The following LAMA2 variants were observed in gnomAD, a reference collection of about 807,000 sequenced individuals.
LAMA2 encodes the protein laminin subunit alpha 2.
LAMA2 carries 269 observed loss-of-function variants against 364.8 expected under a neutral mutation model. The ratio of observed to expected loss-of-function variants is 0.74; its 90% confidence interval spans 0.67 to 0.82. The LOEUF (loss-of-function observed/expected upper bound fraction) is 0.82. Ranked by LOEUF, LAMA2 falls within the 40% of genes least tolerant of loss-of-function variation. The pLI, the probability that LAMA2 is intolerant of heterozygous loss-of-function variation, is 0.00. For synonymous variants in LAMA2, 1,379 were observed against 1,370.6 expected (o/e 1.01, Z -0.14); for missense variants, 3,807 against 3,873.2 (o/e 0.98, Z 0.45).
At chr6:129,446,640 A>G (rs1192427272) in intron 45 of LAMA2, among the ~76,000 whole-genome samples, 1 of 151,070 alleles carries the variant, frequency 6.6e-6, no homozygotes, top group African/African-American at 2.4e-5. Context: ...CTTGAACTCA[A>G]ACCTTTTTAG....
intron 29 of LAMA2, among the ~76,000 whole-genome samples, chr6:129,336,878 A>G (rs1452317050): frequency 6.6e-6 from 1 of 152,240 alleles, no homozygotes; most frequent in African/African-American, 2.4e-5. Context: ...GCTTTGGATG[A>G]TATCTATCAA....
chr6:129,381,293 A>T (rs769769726), intron 34 of LAMA2, among the ~76,000 whole-genome samples: 19 of 152,084 alleles, frequency 1.2e-4, no homozygotes, highest in Non-Finnish European at 2.6e-4. Context: ...TCAAGTCTAG[A>T]CTAGAAAAAT....
chr6:129,143,037 TCA>T (rs932100575), intron 4 of LAMA2, among the ~76,000 whole-genome samples: 3 of 152,014 alleles, frequency 2.0e-5, no homozygotes, highest in African/African-American at 7.2e-5. Flanking sequence ...TTTTATTTTG[TCA>T]CACAGTTTAT....
At chr6:129,276,019 A>G (rs920812945) in intron 17 of LAMA2, among the ~76,000 whole-genome samples, 4 of 152,176 alleles carry the variant, frequency 2.6e-5, no homozygotes, top group Admixed American at 6.6e-5. Context: ...GAGAATAAGT[A>G]GGAGAGATCA....
intron 12 of LAMA2, among the ~76,000 whole-genome samples, chr6:129,239,981 G>T (rs561406726): frequency 6.6e-6 from 1 of 152,182 alleles, no homozygotes; most frequent in Admixed American, 6.5e-5. Flanking sequence ...AAGCCAGTTC[G>T]ATTCCCAGAA....
intron 3 of LAMA2, among the ~76,000 whole-genome samples, chr6:129,097,470 C>A (rs1357411660): frequency 2.6e-5 from 4 of 152,154 alleles, no homozygotes; most frequent in Non-Finnish European, 5.9e-5. Context: ...TTAACAGTAA[C>A]AATACCTCTT....
chr6:129,465,136 T>C lies in LAMA2; in HGVS notation c.7156-9T>C, dbSNP rs771642852. Reference sequence around the variant, plus strand: ...TCTAACCACTGGGGTATGTTTACTCTATTAATAGAGAGATTTCATGAGTGT... The same window carrying C: ...TCTAACCACTGGGGTATGTTTACTCCATTAATAGAGAGATTTCATGAGTGT... On this transcript the variant is annotated splice_polypyrimidine_tract_variant and intron_variant, in intron 50 of 64. Transcript: ENST00000421865. 1.2e-6 allele frequency: 2 copies of C among 1,605,478 alleles called. No individual in the cohort carries two copies. Among genetic ancestry groups the C allele is most frequent in the Non-Finnish European group, 8.5e-7 (1 of 1,172,728 alleles).
chr6:129,397,814 C>T (rs988842898), intron 37 of LAMA2, among the ~76,000 whole-genome samples: 30 of 151,770 alleles, frequency 2.0e-4, no homozygotes, highest in Admixed American at 7.9e-4. Context: ...GTGGCAGGCA[C>T]CTGCAGTCCC....
intron 14 of LAMA2, among the ~76,000 whole-genome samples, chr6:129,260,005 C>T (rs908813999): frequency 2.0e-5 from 3 of 152,046 alleles, no homozygotes; most frequent in Non-Finnish European, 2.9e-5. Context: ...TGTGTGACAG[C>T]ATTTTTTTCC....
At chr6:129,487,954 A>C (rs986702325) in intron 56 of LAMA2, among the ~76,000 whole-genome samples, 1 of 152,192 alleles carries the variant, frequency 6.6e-6, no homozygotes, top group African/African-American at 2.4e-5. Flanking sequence ...TGTCTTCTAG[A>C]TTAGATGTTA....
chr6:129,287,971 A>C lies in LAMA2; in HGVS notation c.2662A>C (p.Ile888Leu). 1 of 1,614,094 alleles carries C rather than the reference A, an allele frequency of 6.2e-7. No homozygotes were observed. The highest frequency in any genetic ancestry group is 1.3e-5 in the African/African-American group (1 of 75,028). Residue 888 changes from isoleucine to leucine, a missense_variant, in exon 19 of 65, where the codon ATA becomes CTA. Around this residue, in one of 3 missense-constraint regions of LAMA2, gnomAD observed 3,333 missense variants for 3,345.7 expected, o/e 1.00. Transcript: ENST00000421865. ...SCDSLSGSCL[I>L]CKPGTTGRYC... ...TGACAGCTTGTCTGGCTCCTGTCTG[A>C]TATGTAAACCAGGTACAACAGGCCG...
intron 1 of LAMA2, among the ~76,000 whole-genome samples, chr6:129,009,921 A>C (rs1232487722): frequency 6.6e-6 from 1 of 152,148 alleles, no homozygotes; most frequent in Admixed American, 6.5e-5. Context: ...AAGGATATTA[A>C]AGGTGAGATT....
chr6:129,228,519 T>G (rs1263214737), intron 12 of LAMA2, among the ~76,000 whole-genome samples: 1 of 152,338 alleles, frequency 6.6e-6, no homozygotes, highest in Non-Finnish European at 1.5e-5. Flanking sequence ...GAGTTTTATA[T>G]CAATAATTAA....
Position 128,961,409 on chromosome 6 carries a change from C to CAT in LAMA2, c.112+78061_112+78062dup, listed in dbSNP as rs571589011. Reference sequence around the variant, plus strand: ...TAACTTATACGACTGCATATATATACATATATATATGTATATATCATGGGA... The same window carrying CAT: ...TAACTTATACGACTGCATATATATACATATATATATATGTATATATCATGGGA... On this transcript the variant is annotated intron_variant, in intron 1 of 64. Transcript: ENST00000421865. Among the ~76,000 whole-genome samples, 251 of 103,998 alleles carry CAT rather than the reference C, an allele frequency of 2.4e-3. 1 individual carries two copies. The highest frequency in any genetic ancestry group is 4.1e-3 in the Non-Finnish European group (209 of 50,658). The allele number at this position is 103,998 out of a possible 152,430, so 68.2% of individuals were successfully genotyped here.
intron 12 of LAMA2, among the ~76,000 whole-genome samples, chr6:129,197,298 A>G (rs1781908360): frequency 6.6e-6 from 1 of 152,146 alleles, no homozygotes; most frequent in Non-Finnish European, 1.5e-5. Flanking sequence ...CTGGCAAGAG[A>G]CATTCACCAT....
chr6:129,374,242 C>T (rs1290653833), intron 34 of LAMA2, among the ~76,000 whole-genome samples: 1 of 152,184 alleles, frequency 6.6e-6, no homozygotes, highest in East Asian at 1.9e-4. Flanking sequence ...GTTTCATTAT[C>T]CAAAATCAGG....
At chr6:129,134,612 G>A (rs1777677019) in intron 4 of LAMA2, among the ~76,000 whole-genome samples, 1 of 152,126 alleles carries the variant, frequency 6.6e-6, no homozygotes, top group Admixed American at 6.5e-5. Flanking sequence ...ATATCATCAA[G>A]CATTAGTTAG....
At chr6:128,953,692 C>T (rs141240736) in intron 1 of LAMA2, among the ~76,000 whole-genome samples, 10 of 151,546 alleles carry the variant, frequency 6.6e-5, no homozygotes, top group South Asian at 2.1e-4. Context: ...AAAAGAATGA[C>T]GTTAGCTTAT....
intron 1 of LAMA2, among the ~76,000 whole-genome samples, chr6:129,038,667 C>T (rs77044792): frequency 0.014 from 2,071 of 152,292 alleles, 22 homozygotes; most frequent in Non-Finnish European, 0.017. Flanking sequence ...CTGTGCTTCA[C>T]ATGCTTAATA....
Sources: gnomAD v4.1 joint callset for allele counts (sites outside exome capture counted in the v4.1 genomes callset) on GRCh38, gnomAD v4.1.1 for gene constraint, gnomAD v4.1.1 regional missense constraint, MANE v1.5 for transcripts, NCBI Gene and HGNC (gene_info 2026-07-23, HGNC 2026-07-21) for gene names.